Variants in TGFBR2 observed in about 807,000 individuals in gnomAD.
The protein encoded by TGFBR2 is transforming growth factor beta receptor 2, also known as TGF-beta receptor type-2.
In TGFBR2, 18 loss-of-function variants were observed where a neutral mutation model predicts 49.0. The observed-to-expected ratio is 0.37, with a 90% CI of 0.25 to 0.54. The LOEUF (loss-of-function observed/expected upper bound fraction) is 0.54, where lower values mean the gene tolerates loss of function less well. TGFBR2 is among the 20% of genes least tolerant of loss of function. TGFBR2 has a pLI of 0.85. For synonymous variants in TGFBR2, 282 were observed against 275.9 expected (o/e 1.02, Z -0.22); for missense variants, 525 against 722.6 (o/e 0.73, Z 3.13).
At chr3:30,667,404 TC>T (rs1017769692) in intron 3 of TGFBR2, among the ~76,000 whole-genome samples, 8 of 152,208 alleles carry the variant, frequency 5.3e-5, no homozygotes, top group Admixed American at 2.6e-4. Context: ...TAAAGCCACA[TC>T]CCAAAGCTTC....
chr3:30,685,729 C>A (rs1409887798), intron 5 of TGFBR2, among the ~76,000 whole-genome samples: 1 of 152,160 alleles, frequency 6.6e-6, no homozygotes, highest in Non-Finnish European at 1.5e-5. Flanking sequence ...TAGGCAACTC[C>A]CATTGGCCAA....
chr3:30,682,428 A>T (rs1699556069), intron 5 of TGFBR2, among the ~76,000 whole-genome samples: 6 of 151,974 alleles, frequency 3.9e-5, no homozygotes, highest in Admixed American at 3.9e-4. Context: ...GGCAATTCCA[A>T]TTTTTTTTAA....
intron 3 of TGFBR2, among the ~76,000 whole-genome samples, chr3:30,656,687 G>T (rs1021106048): frequency 2.6e-5 from 4 of 152,184 alleles, no homozygotes; most frequent in Admixed American, 2.6e-4. Flanking sequence ...CTGGATCTTG[G>T]CCATCTTGCT....
At chr3:30,627,962 G>A (rs906754524) in intron 1 of TGFBR2, among the ~76,000 whole-genome samples, 2 of 152,088 alleles carry the variant, frequency 1.3e-5, no homozygotes, top group African/African-American at 4.8e-5. Context: ...CAGTGGGACA[G>A]ATTAAATTAC....
In TGFBR2 at chr3:30,623,848, A is replaced by G. The variant is rs181416663; in HGVS notation, c.94+16871A>G. Among the ~76,000 whole-genome samples, 10 of 152,348 alleles carry G rather than the reference A, an allele frequency of 6.6e-5. 1 individual carries two copies. In the South Asian group the frequency reaches 1.7e-3, roughly 25 times the overall value. ...CTTAAACATGAATGTCTGAATAAAC[A>G]TACAGAGAAGAGGTTGGGCGCTGTG... On this transcript the variant is annotated intron_variant, in intron 1 of 6. Transcript: ENST00000295754.
intron 3 of TGFBR2, among the ~76,000 whole-genome samples, chr3:30,652,228 GGTT>G (rs1447314762): frequency 1.1e-4 from 14 of 127,728 alleles, no homozygotes; most frequent in African/African-American, 4.2e-4. Flanking sequence ...TTTCTTTTCT[GGTT>G]GTTTTTTTTT....
At chr3:30,669,094 G>A (rs553747615) in intron 3 of TGFBR2, among the ~76,000 whole-genome samples, 3 of 135,266 alleles carry the variant, frequency 2.2e-5, no homozygotes, top group African/African-American at 6.2e-5. Flanking sequence ...TGGCCAACAT[G>A]GTGAAACCCC....
In TGFBR2 at chr3:30,692,615, T is replaced by G; in HGVS notation, c.*1016T>G. ...GTTTACTTTTTCATTACACTTGACTTGATTTTCTAGTTTTCTATACAAACA... is the reference window on the plus strand; with the variant it reads ...GTTTACTTTTTCATTACACTTGACTGGATTTTCTAGTTTTCTATACAAACA... On this transcript the variant is annotated 3_prime_UTR_variant, in exon 7 of 7. Transcript: ENST00000295754. 1 of 233,216 alleles carries G rather than the reference T, an allele frequency of 4.3e-6. No individual in the cohort carries two copies. The highest frequency in any genetic ancestry group is 6.0e-5 in the East Asian group (1 of 16,690). The allele number at this position is 233,216 out of a possible 1,614,324, so 14.4% of individuals were successfully genotyped here.
rs1553624166 is a variant in TGFBR2, at chr3:30,607,799, A to ATATATAT, written c.94+822_94+823insTATATAT. Among the ~76,000 whole-genome samples, 71 of 138,312 alleles carry ATATATAT rather than the reference A, an allele frequency of 5.1e-4. 1 individual carries two copies. The Middle Eastern group carries it at 0.011, about 22-fold the overall frequency. The allele number at this position is 138,312 out of a possible 152,430, so 90.7% of individuals were successfully genotyped here. A position where few individuals can be genotyped will look rare whatever the true frequency, so the allele number is the denominator to read the frequency against. ...TTTAAGGAAAAAATAAAAATAAAAA[A>ATATATAT]ATATATATATATATTATATATATAT... On this transcript the variant is annotated intron_variant, in intron 1 of 6. Coordinates refer to ENST00000295754, the MANE Select transcript of TGFBR2 (RefSeq NM_003242.6).
chr3:30,682,915 G>A (rs1203745079), intron 5 of TGFBR2, among the ~76,000 whole-genome samples: 1 of 152,138 alleles, frequency 6.6e-6, no homozygotes, highest in African/African-American at 2.4e-5. Flanking sequence ...TTCATACCAG[G>A]GACTGCCCCA....
chr3:30,635,602 T>C (rs1035640518), intron 1 of TGFBR2, among the ~76,000 whole-genome samples: 4 of 152,180 alleles, frequency 2.6e-5, no homozygotes, highest in African/African-American at 9.7e-5. Flanking sequence ...CGTAGAAGAC[T>C]AAAAAAACTT....
chr3:30,661,915 G>A (rs1433719906), intron 3 of TGFBR2, among the ~76,000 whole-genome samples: 3 of 152,162 alleles, frequency 2.0e-5, no homozygotes, highest in Non-Finnish European at 4.4e-5. Flanking sequence ...TATATGCTGG[G>A]CAGGCTGATT....
Position 30,644,783 on chromosome 3 carries a change from C to A in TGFBR2, c.131C>A (p.Ala44Glu). The change falls in exon 2 of 7, where the codon GCA becomes GAA. Residue 44 changes from alanine to glutamate, a missense_variant. Ala to Glu is a moderately radical substitution (Grantham distance 107, BLOSUM62 -1). Transcript: ENST00000295754. ...NDMIVTDNNG[A>E]VKFPQLCKFC... is the part of the protein sequence containing the mutation. ...ATGATAGTCACTGACAACAACGGTG[C>A]AGTCAAGTTTCCACAACTGTGTAAA... 6.2e-7 allele frequency: 1 copy of A among 1,614,110 alleles called. No homozygotes were observed. The highest frequency in any genetic ancestry group is 1.1e-5 in the South Asian group (1 of 91,078).
chr3:30,652,040 T>G (rs1023064437), intron 3 of TGFBR2, among the ~76,000 whole-genome samples: 8 of 152,186 alleles, frequency 5.3e-5, no homozygotes, highest in African/African-American at 1.7e-4. Context: ...TCCAGCTTGT[T>G]CTCTTCCTGT....
chr3:30,672,564 C>G lies in TGFBR2; in HGVS notation c.1254+127C>G. On this transcript the variant is annotated intron_variant, in intron 4 of 6. Transcript: ENST00000295754. This position sits in a 1 kb window ranked among gnomAD's most constrained non-coding sequence, Gnocchi z 4.5. The stretch of plus-strand genomic sequence containing the variant: ...TGGACACTGGTCTAGGGAATCTAGC[C>G]AAAGTATGGAGTCTGCCTTGAGCAT... 2.8e-6 allele frequency: 3 copies of G among 1,063,184 alleles called. No homozygotes were observed. The highest frequency in any genetic ancestry group is 4.3e-6 in the Non-Finnish European group (3 of 690,990). The allele number at this position is 1,063,184 out of a possible 1,614,324, so 65.9% of individuals were successfully genotyped here.
Position 30,672,354 on chromosome 3 carries a change from C to G in TGFBR2, c.1171C>G (p.Leu391Val), listed in dbSNP as rs779762218. 1 of 1,614,078 alleles carries G rather than the reference C, an allele frequency of 6.2e-7. No individual in the cohort carries two copies. The highest frequency in any genetic ancestry group is 1.7e-5 in the Admixed American group (1 of 60,024). ...KSSNILVKND[L>V]TCCLCDFGLS... The stretch of plus-strand genomic sequence containing the variant: ...CTCCAATATCCTCGTGAAGAACGAC[C>G]TAACCTGCTGCCTGTGTGACTTTGG... Residue 391 changes from leucine (L) to valine (V), a missense_variant, in exon 4 of 7, where the codon CTA becomes GTA. This residue lies in a region of TGFBR2 where 45 missense variants were observed against 111.0 expected (regional missense o/e 0.41). Transcript: ENST00000295754. The surrounding 1 kb of genome is among the most constrained non-coding windows in gnomAD (Gnocchi z 4.5).
At position 30,650,288 on chromosome 3, in the gene TGFBR2, C is replaced by T. The variant is rs1698855172; in HGVS notation, c.282C>T (p.Asn94=). ...ACTCTAGGAGAAAGAATGACGAGAACATAACACTAGAGACAGTTTGCCATG... is the reference window on the plus strand; with the variant it reads ...ACTCTAGGAGAAAGAATGACGAGAATATAACACTAGAGACAGTTTGCCATG... ...CVAVWRKNDE[N]ITLETVCHDP... Residue 94 remains asparagine, a synonymous_variant, in exon 3 of 7, where the codon AAC becomes AAT. Coordinates refer to ENST00000295754, the MANE Select transcript of TGFBR2 (RefSeq NM_003242.6). 6.2e-7 allele frequency: 1 copy of T among 1,613,822 alleles called. No individual in the cohort carries two copies. Among genetic ancestry groups the T allele is most frequent in the Non-Finnish European group, 8.5e-7 (1 of 1,179,940 alleles).
At chr3:30,609,730 C>T (rs535855207) in intron 1 of TGFBR2, among the ~76,000 whole-genome samples, 2 of 152,146 alleles carry the variant, frequency 1.3e-5, no homozygotes, top group African/African-American at 4.8e-5. Flanking sequence ...TCAGGTTCTT[C>T]ACATCACTTT....
intron 3 of TGFBR2, among the ~76,000 whole-genome samples, chr3:30,669,121 CAAAAAAAAAAAAAAAAAAA>C (rs56069409): frequency 3.6e-5 from 3 of 83,476 alleles, no homozygotes; most frequent in African/African-American, 5.5e-5. Flanking sequence ...ACTAAAAATA[CAAAAAAAAAAAAAAAAAAA>C]AAAAAAAAAA....
Sources: gnomAD v4.1 joint callset for allele counts (sites outside exome capture counted in the v4.1 genomes callset) on GRCh38, gnomAD v4.1.1 for gene constraint, gnomAD v4.1.1 regional missense constraint, Gnocchi (gnomAD v3.1) non-coding constraint, MANE v1.5 for transcripts, NCBI Gene and HGNC (gene_info 2026-07-23, HGNC 2026-07-21) for gene names.